REXO1: variants seen among roughly 807,000 people sequenced by gnomAD.
The protein encoded by REXO1 is REX1, RNA exonuclease 1 homolog.
REXO1 carries 42 observed loss-of-function variants against 102.6 expected under a neutral mutation model. The ratio of observed to expected loss-of-function variants is 0.41; its 90% CI spans 0.32 to 0.53. The LOEUF is 0.53. Ranked by LOEUF, REXO1 falls within the 20% of genes least tolerant of loss-of-function variation. The pLI is 0.27. For missense variants in REXO1, 1,819 were observed against 1,732.5 expected (o/e 1.05, Z -0.89); for synonymous variants, 908 against 779.1 (o/e 1.17, Z -2.76).
chr19:1,821,085 C>T (rs1337035490), intron 5 of REXO1, among the ~76,000 whole-genome samples: 11 of 151,780 alleles, frequency 7.2e-5, no homozygotes, highest in Admixed American at 2.6e-4. Context: ...TGGTGGCTCA[C>T]GCCTGTAATC....
At position 1,816,075 on chromosome 19, in the gene REXO1, G is replaced by A; in HGVS notation, c.3657C>T (p.Thr1219=). 1 of 1,544,924 alleles carries A rather than the reference G, an allele frequency of 6.5e-7. No homozygotes were observed. Among genetic ancestry groups the A allele is most frequent in the African/African-American group, 1.4e-5 (1 of 73,138 alleles). ...GGGAGGCGGGCAGGCGTCATCGCTT[G>A]GTCTTGGCGTCTTCTCGAACCTTCC... The part of the protein sequence containing the change: ...VIWKVREDAK[T]KR The change falls in exon 16 of 16, where the codon ACC becomes ACT. Residue 1219 remains threonine, a synonymous_variant. Coordinates refer to ENST00000170168, the MANE Select transcript of REXO1 (RefSeq NM_020695.4).
chr19:1,841,308 G>T (rs890948606), intron 1 of REXO1, among the ~76,000 whole-genome samples: 6 of 152,230 alleles, frequency 3.9e-5, no homozygotes, highest in African/African-American at 1.4e-4. Flanking sequence ...AGCCACGGCC[G>T]GGCGCACCCA....
rs752115186 is a variant in REXO1 at position 1,828,066 on chromosome 19, C to T, written c.723G>A (p.Ser241=). Residue 241 remains serine (S), a synonymous_variant, in exon 2 of 16, where the codon TCG becomes TCA. Coordinates refer to ENST00000170168, the MANE Select transcript of REXO1 (RefSeq NM_020695.4). ...DLEYDPLSNY[S]ARHLSRASSR... ...AGCTGGCCCTGCTGAGGTGCCGGGC[C>T]GAGTAGTTGGAGAGAGGGTCATACT... The T allele has an allele frequency of 3.1e-6, 5 of 1,613,184 alleles. No homozygotes were observed. In the South Asian group the frequency reaches 3.3e-5, roughly 11 times the overall value.
At chr19:1,844,101 A>G (rs1007631557) in intron 1 of REXO1, among the ~76,000 whole-genome samples, 3 of 152,198 alleles carry the variant, frequency 2.0e-5, no homozygotes, top group Admixed American at 2.0e-4. Flanking sequence ...CTTCAGGCCC[A>G]TCCTTGGAAG....
intron 5 of REXO1, 90 bp from the exon 6 acceptor site, chr19:1,820,485 G>A (rs761803141): frequency 3.8e-5 from 56 of 1,487,090 alleles, no homozygotes; most frequent in Non-Finnish European, 4.4e-5. Flanking sequence ...GCCCATGGCT[G>A]GAGGCAAGAG....
Position 1,827,138 on chromosome 19 carries a change from C to T in REXO1, c.1651G>A (p.Asp551Asn). ...SALPSLSSDS[D>N]SDSDSSLGFP... ...CCCAGGCTGGAGTCTGAGTCGGAGT[C>T]TGAGTCCGAGCTGAGGCTGGGGAGG... is the stretch of plus-strand genomic sequence containing the variant. The change falls in exon 2 of 16, where the codon GAC (aspartate) becomes AAC (asparagine). Residue 551 changes from aspartate (D) to asparagine (N), a missense_variant. Transcript: ENST00000170168. 6.5e-7 allele frequency: 1 copy of T among 1,542,438 alleles called. No homozygotes were observed.
At chr19:1,821,896 C>T (rs2069554787) in intron 4 of REXO1, 3 of 583,154 alleles carry the variant, frequency 5.1e-6, no homozygotes, top group Non-Finnish European at 8.9e-6. Flanking sequence ...GGTCAGGCTG[C>T]GGAGGCCGCT....
At chr19:1,819,230 C>A in intron 7 of REXO1, 99 bp from the exon 8 acceptor site, 1 of 851,494 alleles carries the variant, frequency 1.2e-6, no homozygotes, top group Non-Finnish European at 1.8e-6. Context: ...CAGACCTCTG[C>A]CTCAACTCCC....
Position 1,821,508 on chromosome 19 carries a change from G to A in REXO1, c.2394+11C>T. ...GGGGGTGGTGGTCCTGGCCGAGATG[G>A]GAGGGGCTACCTGTAAGGATGGACT... On this transcript the variant is annotated intron_variant, in intron 5 of 15. Transcript: ENST00000170168. 6.2e-7 allele frequency: 1 copy of A among 1,613,364 alleles called. No individual in the cohort carries two copies. The highest frequency in any genetic ancestry group is 8.5e-7 in the Non-Finnish European group (1 of 1,179,670).
In REXO1 at chr19:1,816,300, G is replaced by A. The variant is rs559885551; in HGVS notation, c.3502C>T (p.Arg1168Cys). The change falls in exon 15 of 16, where the codon CGC becomes TGC. Residue 1168 changes from arginine (R) to cysteine (C), a missense_variant. Coordinates refer to ENST00000170168, the MANE Select transcript of REXO1 (RefSeq NM_020695.4). Reference sequence around the variant, plus strand: ...GACCGCTTGTAGGGGAGGCCCAGGCGGTGGGGGAAGAGCACAGACGTGTCC... The same window carrying A: ...GACCGCTTGTAGGGGAGGCCCAGGCAGTGGGGGAAGAGCACAGACGTGTCC... ...VVDTSVLFPH[R>C]LGLPYKRSLR... 1.5e-5 allele frequency: 24 copies of A among 1,589,024 alleles called. No individual in the cohort carries two copies. In the East Asian group the frequency reaches 1.6e-4, roughly 11 times the overall value.
At chr19:1,817,553 C>CGGG in intron 11 of REXO1, 154 bp downstream of exon 11, 1 of 1,447,134 alleles carries the variant, frequency 6.9e-7, no homozygotes, top group South Asian at 1.4e-5. Context: ...CTGGGGCCTA[C>CGGG]GGGTGCTACG....
chr19:1,817,809 GCCCGGCCAGGCCCACTCCACAGCC>G, intron 10 of REXO1, 29 bp from the exon 11 acceptor site: 1 of 1,585,406 alleles, frequency 6.3e-7, no homozygotes, highest in South Asian at 1.1e-5. Flanking sequence ...CACAGTCAGG[GCCCGGCCAGGCCCACTCCACAGCC>G]CCCGGGGCAC....
intron 1 of REXO1, among the ~76,000 whole-genome samples, chr19:1,845,206 A>C (rs781320827): frequency 6.6e-6 from 1 of 152,192 alleles, no homozygotes; most frequent in Non-Finnish European, 1.5e-5. Flanking sequence ...GAGAGCGGCC[A>C]CTGGGGGGAT....
intron 12 of REXO1, 135 bp from the exon 13 acceptor site, chr19:1,816,948 G>A (rs925182148): frequency 4.5e-5 from 34 of 747,476 alleles, no homozygotes; most frequent in Non-Finnish European, 6.7e-5. Flanking sequence ...TCTAGGAGAG[G>A]CCGAGTGGGG....
rs372214564 is a variant in REXO1, at chr19:1,827,234, C to T, written c.1555G>A (p.Ala519Thr). 56 of 1,548,944 alleles carry T rather than the reference C, an allele frequency of 3.6e-5. No homozygotes were observed. The highest frequency in any genetic ancestry group is 2.1e-4 in the South Asian group (18 of 85,200). The change falls in exon 2 of 16, where the codon GCC becomes ACC. Residue 519 changes from alanine to threonine, a missense_variant. Transcript: ENST00000170168. ...PKLKKRALSH[A>T]DLFGDESEDE... ...TCACTCTCGTCCCCAAAGAGGTCGG[C>T]GTGGCTCAGGGCCCGCTTCTTCAGC...
chr19:1,826,250 T>C lies in REXO1; in HGVS notation c.1912-307A>G, dbSNP rs1287017475. 1.3e-5 allele frequency among the ~76,000 whole-genome samples: 2 copies of C among 152,068 alleles called. No homozygotes were observed. The highest frequency in any genetic ancestry group is 2.9e-5 in the Non-Finnish European group (2 of 68,008). On this transcript the variant is annotated intron_variant, in intron 2 of 15. Coordinates refer to ENST00000170168, the MANE Select transcript of REXO1 (RefSeq NM_020695.4). This position sits in a 1 kb window ranked among gnomAD's most constrained non-coding sequence, Gnocchi z 4.3. ...CGAGGCCACCTTGGGCCGAACCAGC[T>C]GCTGCGGGCTGAGCACTTGGGCTCA...
At chr19:1,816,374 G>A (rs375201148) in intron 14 of REXO1, 29 bp from the exon 15 acceptor site, 141 of 1,594,170 alleles carry the variant, frequency 8.8e-5, no homozygotes, top group Middle Eastern at 1.9e-4. Context: ...ATCAGCGCAC[G>A]TGGGGCCTGC....
At chr19:1,838,955 A>T (rs912992348) in intron 1 of REXO1, among the ~76,000 whole-genome samples, 1 of 151,416 alleles carries the variant, frequency 6.6e-6, no homozygotes, top group African/African-American at 2.4e-5. Context: ...TGTGTCTACT[A>T]AAAATACAAA....
In REXO1 at chr19:1,828,330, G is replaced by C. The variant is rs769137879; in HGVS notation, c.459C>G (p.Pro153=). The C allele has an allele frequency of 3.7e-6, 6 of 1,609,740 alleles. No individual in the cohort carries two copies. Among genetic ancestry groups the C allele is most frequent in the Non-Finnish European group, 5.1e-6 (6 of 1,178,434 alleles). Reference sequence around the variant, plus strand: ...CAGGGCTTAATAGGCCGTGGCTGCCGGGGCTGTAGTCGAAGGCCAGTGGGA... The same window carrying C: ...CAGGGCTTAATAGGCCGTGGCTGCCCGGGCTGTAGTCGAAGGCCAGTGGGA... ...DAFPLAFDYS[P]GSHGLLSPDA... The change falls in exon 2 of 16, where the codon CCC becomes CCG. Residue 153 remains proline, a synonymous_variant. Transcript: ENST00000170168.
Sources: gnomAD v4.1 joint callset for allele counts (sites outside exome capture counted in the v4.1 genomes callset) on GRCh38, gnomAD v4.1.1 for gene constraint, Gnocchi (gnomAD v3.1) non-coding constraint, MANE v1.5 for transcripts, NCBI Gene and HGNC (gene_info 2026-07-23, HGNC 2026-07-21) for gene names.